GALNT18: variants seen among roughly 807,000 people sequenced by gnomAD.
The protein encoded by GALNT18 is GalNAc-transferase 18.
In GALNT18, 44 loss-of-function variants were observed where a neutral mutation model predicts 69.5. The observed-to-expected ratio is 0.63, with a 90% CI of 0.50 to 0.81. The LOEUF is 0.81. Ranked by LOEUF, GALNT18 falls within the 40% of genes least tolerant of loss-of-function variation. The pLI is 0.00. For missense variants in GALNT18, 715 were observed against 810.0 expected (o/e 0.88, Z 1.42); for synonymous variants, 364 against 318.2 (o/e 1.14, Z -1.53).
intron 2 of GALNT18, among the ~76,000 whole-genome samples, chr11:11,443,926 C>T (rs899160546): frequency 1.3e-5 from 2 of 152,228 alleles, no homozygotes; most frequent in Admixed American, 6.5e-5. Context: ...TTGGTCCCCT[C>T]TTTGTGCAGA....
rs1472217845 is a variant in GALNT18, at chr11:11,606,898, GT to G, written c.235+14460del. ...TGGGTCTTGGATCCTTCAGCAAACA[GT>G]TTGAGGGTGAGGATGCTGATGTTAT... On this transcript the variant is annotated intron_variant, in intron 1 of 10. Transcript: ENST00000227756. The surrounding 1 kb of genome is among the most constrained non-coding windows in gnomAD (Gnocchi z 5.4). 6.6e-6 allele frequency among the ~76,000 whole-genome samples: 1 copy of G among 152,196 alleles called. No homozygotes were observed. Among genetic ancestry groups the G allele is most frequent in the Non-Finnish European group, 1.5e-5 (1 of 68,034 alleles).
rs1156540459 is a variant in GALNT18 at position 11,621,668 on chromosome 11, AC to A, written c.-76del. 1.8e-6 allele frequency: 2 copies of A among 1,114,184 alleles called. No individual in the cohort carries two copies. Among genetic ancestry groups the A allele is most frequent in the Non-Finnish European group, 2.6e-6 (2 of 768,136 alleles). The allele number at this position is 1,114,184 out of a possible 1,614,324, so 69.0% of individuals were successfully genotyped here. On this transcript the variant is annotated 5_prime_UTR_variant, in exon 1 of 11. Coordinates refer to ENST00000227756, the MANE Select transcript of GALNT18 (RefSeq NM_198516.3). The surrounding 1 kb of genome is among the most constrained non-coding windows in gnomAD (Gnocchi z 9.3). The stretch of plus-strand genomic sequence containing the variant: ...GCGCCCCGAACTCCCCCGCGCTCGC[AC>A]CCCGTAGCACGTCCGGAGCCGCTGG...
At chr11:11,437,844 C>G (rs1590001525) in intron 2 of GALNT18, among the ~76,000 whole-genome samples, 1 of 152,130 alleles carries the variant, frequency 6.6e-6, no homozygotes, top group Non-Finnish European at 1.5e-5. Context: ...CCAAGACACA[C>G]TAGGAACAGC....
Position 11,293,067 on chromosome 11 carries a change from TGGCGTAGCTGCATTCGATGAGCCGGGGCC to T in GALNT18, c.1610_1638del (p.Arg537GlnfsTer23). 7.2e-7 allele frequency: 1 copy of T among 1,387,964 alleles called. No individual in the cohort carries two copies. 86.0% of individuals were successfully genotyped at this position (1,387,964 alleles called of 1,614,324 possible). ...CAGTGAAGCTTCATCCTCTTGGCTT[TGGCGTAGCTGCATTCGATGAGCCGGGGCC>T]GGCTGTTGACGTCCACCAGGCATCG... On this transcript the variant is annotated frameshift_variant, in exon 10 of 11. Coordinates refer to ENST00000227756, the MANE Select transcript of GALNT18 (RefSeq NM_198516.3). LOFTEE classifies it high-confidence loss of function.
At position 11,546,163 on chromosome 11, in the gene GALNT18, T is replaced by G. The variant is rs1858049090; in HGVS notation, c.235+75196A>C. 6.6e-6 allele frequency among the ~76,000 whole-genome samples: 1 copy of G among 152,110 alleles called. No individual in the cohort carries two copies. The highest frequency in any genetic ancestry group is 2.1e-4 in the South Asian group (1 of 4,824). ...CCTGAGAAGGCTTACAAGCCCAAAG[T>G]GAGCCAGTTGTTTGAGCTACCCTTG... On this transcript the variant is annotated intron_variant, in intron 1 of 10. Transcript: ENST00000227756. This position sits in a 1 kb window ranked among gnomAD's most constrained non-coding sequence, Gnocchi z 5.8.
chr11:11,308,199 C>A (rs578173556), intron 9 of GALNT18, among the ~76,000 whole-genome samples: 1 of 152,134 alleles, frequency 6.6e-6, no homozygotes, highest in Admixed American at 6.5e-5. Flanking sequence ...CACTTCCTGG[C>A]GTGGCAGGAA....
chr11:11,391,696 G>A (rs952253966), intron 3 of GALNT18, among the ~76,000 whole-genome samples: 1 of 152,234 alleles, frequency 6.6e-6, no homozygotes, highest in African/African-American at 2.4e-5. Context: ...GGGGGCCAGG[G>A]TATTTATATA....
chr11:11,454,113 T>G lies in GALNT18; in HGVS notation c.236-5177A>C, dbSNP rs558567223. 1.3e-5 allele frequency among the ~76,000 whole-genome samples: 2 copies of G among 152,264 alleles called. No homozygotes were observed. Among genetic ancestry groups the G allele is most frequent in the African/African-American group, 4.8e-5 (2 of 41,556 alleles). On this transcript the variant is annotated intron_variant, in intron 1 of 10. Transcript: ENST00000227756. The surrounding 1 kb of genome is among the most constrained non-coding windows in gnomAD (Gnocchi z 4.2). The stretch of plus-strand genomic sequence containing the variant: ...CAGAAAACTCCCTGCCTACTAGAGA[T>G]TCCCCAAATCTTTCAGAGGGAGTAG...
intron 1 of GALNT18, among the ~76,000 whole-genome samples, chr11:11,508,246 T>C (rs1857104748): frequency 6.6e-6 from 1 of 152,218 alleles, no homozygotes; most frequent in Admixed American, 6.5e-5. Flanking sequence ...TATACCCTTT[T>C]TTGTTTTTTA....
rs1056325164 is a variant in GALNT18 at position 11,521,215 on chromosome 11, C to T, written c.236-72279G>A. Among the ~76,000 whole-genome samples, 234 of 152,172 alleles carry T rather than the reference C, an allele frequency of 1.5e-3. 1 individual carries two copies. Among genetic ancestry groups the T allele is most frequent in the African/African-American group, 5.1e-3 (211 of 41,510 alleles). ...TTAGTTGACACCTCCACCTCACTAG[C>T]GAGCTAGAAGTTCTCTAAGGATCTT... On this transcript the variant is annotated intron_variant, in intron 1 of 10. Transcript: ENST00000227756.
chr11:11,440,691 T>C (rs567371192), intron 2 of GALNT18, among the ~76,000 whole-genome samples: 1 of 152,360 alleles, frequency 6.6e-6, no homozygotes, highest in South Asian at 2.1e-4. Flanking sequence ...CATGTGCTCC[T>C]TGTCCACATA....
intron 9 of GALNT18, among the ~76,000 whole-genome samples, chr11:11,306,359 T>C (rs1370556359): frequency 6.6e-6 from 1 of 152,120 alleles, no homozygotes; most frequent in Admixed American, 6.6e-5. Flanking sequence ...TAATAAAATA[T>C]GCAGGTTAAG....
intron 1 of GALNT18, among the ~76,000 whole-genome samples, chr11:11,525,503 A>G (rs1179394990): frequency 1.3e-5 from 2 of 152,178 alleles, no homozygotes; most frequent in African/African-American, 4.8e-5. Flanking sequence ...ACAGGGAAGA[A>G]TGAGTAATAC....
rs1356741888 is a variant in GALNT18, at chr11:11,500,693, C to A, written c.236-51757G>T. 2.0e-5 allele frequency among the ~76,000 whole-genome samples: 3 copies of A among 152,212 alleles called. No homozygotes were observed. Among genetic ancestry groups the A allele is most frequent in the Admixed American group, 1.3e-4 (2 of 15,280 alleles). On this transcript the variant is annotated intron_variant, in intron 1 of 10. Transcript: ENST00000227756. The surrounding 1 kb of genome is among the most constrained non-coding windows in gnomAD (Gnocchi z 5.0). ...ATGCACAGCACAGAGTCAGCCTCAG[C>A]ACGTTTTAGCACCCACAACCCCTCC... is the stretch of plus-strand genomic sequence containing the variant.
At chr11:11,368,227 C>T (rs1386689734) in intron 6 of GALNT18, among the ~76,000 whole-genome samples, 2 of 152,156 alleles carry the variant, frequency 1.3e-5, no homozygotes, top group African/African-American at 4.8e-5. Context: ...TCTTTGACTG[C>T]TGTAAGATCT....
intron 6 of GALNT18, chr11:11,352,468 A>G (rs1175156918): frequency 6.2e-7 from 1 of 1,614,118 alleles, no homozygotes; most frequent in African/African-American, 1.3e-5. Context: ...ATACAACCCA[A>G]TCTCCACATA....
At chr11:11,379,403 G>T in intron 3 of GALNT18, 139 bp from the exon 4 acceptor site, 1 of 741,768 alleles carries the variant, frequency 1.3e-6, no homozygotes, top group Non-Finnish European at 2.2e-6. Flanking sequence ...TTCTTCAGTG[G>T]TCCCCACAGT....
chr11:11,553,964 C>G (rs561515356), intron 1 of GALNT18, among the ~76,000 whole-genome samples: 1 of 152,328 alleles, frequency 6.6e-6, no homozygotes, highest in African/African-American at 2.4e-5. Context: ...CCTGATACTT[C>G]CGTAATTATA....
intron 8 of GALNT18, 43 bp from the exon 9 acceptor site, chr11:11,327,224 C>G: frequency 7.4e-7 from 1 of 1,358,908 alleles, no homozygotes; most frequent in Non-Finnish European, 1.1e-6. Context: ...GAGAGAGGAA[C>G]AGAGAGAGCA....
Sources: allele counts gnomAD v4.1 joint callset (sites outside exome capture counted in the v4.1 genomes callset), GRCh38; gene constraint gnomAD v4.1.1; non-coding constraint Gnocchi (gnomAD v3.1); transcripts MANE v1.5; gene names NCBI Gene and HGNC (gene_info 2026-07-23, HGNC 2026-07-21).